PDXK: variants seen among roughly 807,000 people sequenced by gnomAD.
The protein encoded by PDXK is epididymis secretory sperm binding protein Li 1a.
PDXK carries 15 observed loss-of-function variants against 43.2 expected under a neutral mutation model. The ratio of observed to expected loss-of-function variants is 0.35; its 90% CI spans 0.23 to 0.53. The LOEUF is 0.53. Ranked by LOEUF, PDXK falls within the 20% of genes least tolerant of loss-of-function variation. The probability of loss-of-function intolerance (pLI) is 0.92; values close to 1 mark genes in which losing one functional copy is unlikely to be tolerated. For synonymous variants in PDXK, 172 were observed against 165.4 expected (o/e 1.04, Z -0.31); for missense variants, 343 against 417.0 (o/e 0.82, Z 1.54).
chr21:43,755,686 T>C lies in PDXK; in HGVS notation c.760-12T>C. On this transcript the variant is annotated splice_polypyrimidine_tract_variant and intron_variant, in intron 9 of 10. Coordinates refer to ENST00000291565, the MANE Select transcript of PDXK (RefSeq NM_003681.5). Reference sequence around the variant, plus strand: ...GTGGGCCAGGGGCACAGCAAGTCTGTCCTCCCTGCAGGTGGCCTGTGAGAA... The same window carrying C: ...GTGGGCCAGGGGCACAGCAAGTCTGCCCTCCCTGCAGGTGGCCTGTGAGAA... The C allele has an allele frequency of 6.2e-7, 1 of 1,609,646 alleles. No individual in the cohort carries two copies. The highest frequency in any genetic ancestry group is 1.3e-5 in the African/African-American group (1 of 74,938).
chr21:43,756,954 A>G lies in PDXK; in HGVS notation c.*891A>G, dbSNP rs1203360494. On this transcript the variant is annotated 3_prime_UTR_variant, in exon 11 of 11. Transcript: ENST00000291565. ...TTTGCCACGTGCTGCCCGTGACAGC[A>G]CATTGAGCCACAGCATTTGTAGACA... 6.6e-6 allele frequency: 1 copy of G among 152,498 alleles called. No homozygotes were observed. The highest frequency in any genetic ancestry group is 1.5e-5 in the Non-Finnish European group (1 of 68,130). The allele number at this position is 152,498 out of a possible 1,614,324, so 9.4% of individuals were successfully genotyped here. A position where few individuals can be genotyped will look rare whatever the true frequency, so the allele number is the denominator to read the frequency against.
rs1303142298 is a variant in PDXK at position 43,754,132 on chromosome 21, G to T, written c.759+413G>T. ...CATTTCCCACAGTGTGACCACGGCAGTGACCTGAGGGACGGAAAGGCCGGA... is the reference window on the plus strand; with the variant it reads ...CATTTCCCACAGTGTGACCACGGCATTGACCTGAGGGACGGAAAGGCCGGA... On this transcript the variant is annotated intron_variant, in intron 9 of 10. Coordinates refer to ENST00000291565, the MANE Select transcript of PDXK (RefSeq NM_003681.5). This position sits in a 1 kb window ranked among gnomAD's most constrained non-coding sequence, Gnocchi z 5.5. Among the ~76,000 whole-genome samples, 1 of 152,236 alleles carries T rather than the reference G, an allele frequency of 6.6e-6. No homozygotes were observed. The highest frequency in any genetic ancestry group is 3.2e-3 in the Middle Eastern group (1 of 316).
In PDXK at chr21:43,755,989, C is replaced by T. The variant is rs369964889; in HGVS notation, c.865C>T (p.Leu289=). The T allele has an allele frequency of 1.2e-6, 2 of 1,612,962 alleles. No individual in the cohort carries two copies. Among genetic ancestry groups the T allele is most frequent in the African/African-American group, 2.7e-5 (2 of 74,900 alleles). Residue 289 remains leucine, a synonymous_variant, in exon 11 of 11, where the codon CTG becomes TTG. Coordinates refer to ENST00000291565, the MANE Select transcript of PDXK (RefSeq NM_003681.5). ...GEGVRPSPMQ[L]ELRMVQSKRD... is the part of the protein sequence containing the mutation. ...AGGAGTGAGGCCCAGCCCCATGCAGCTGGAGCTGCGGATGGTGCAGAGCAA... is the reference window on the plus strand; with the variant it reads ...AGGAGTGAGGCCCAGCCCCATGCAGTTGGAGCTGCGGATGGTGCAGAGCAA...
chr21:43,729,076 C>T (rs1226399641), intron 1 of PDXK: 6 of 953,550 alleles, frequency 6.3e-6, no homozygotes. Context: ...CCCGCACCCG[C>T]CCGCCCGCAA....
rs964540671 is a variant in PDXK, at chr21:43,745,854, G to T, written c.332-225G>T. On this transcript the variant is annotated intron_variant, in intron 4 of 10. Coordinates refer to ENST00000291565, the MANE Select transcript of PDXK (RefSeq NM_003681.5). ...TGTACAAATCATTTAAAAGCTAGCTGGGTGTGCTGCTGCATGCCTGTGGTC... is the reference window on the plus strand; with the variant it reads ...TGTACAAATCATTTAAAAGCTAGCTTGGTGTGCTGCTGCATGCCTGTGGTC... 4 of 575,428 alleles carry T rather than the reference G, an allele frequency of 7.0e-6. No homozygotes were observed. In the African/African-American group the frequency reaches 7.5e-5, roughly 11 times the overall value. The allele number at this position is 575,428 out of a possible 1,614,324, so 35.6% of individuals were successfully genotyped here. A position where few individuals can be genotyped will look rare whatever the true frequency, so the allele number is the denominator to read the frequency against.
chr21:43,755,765 G>T lies in PDXK; in HGVS notation c.826+1G>T. On this transcript the variant is annotated splice_donor_variant, in intron 10 of 10. Coordinates refer to ENST00000291565, the MANE Select transcript of PDXK (RefSeq NM_003681.5). LOFTEE classifies it high-confidence loss of function. ...CAGAGGACCATCCAGTGTGCAAAAGGTACGGCGGCCGGGCTGCATGGGCTG... is the reference window on the plus strand; with the variant it reads ...CAGAGGACCATCCAGTGTGCAAAAGTTACGGCGGCCGGGCTGCATGGGCTG... 6.2e-7 allele frequency: 1 copy of T among 1,613,746 alleles called. No individual in the cohort carries two copies. Among genetic ancestry groups the T allele is most frequent in the Non-Finnish European group, 8.5e-7 (1 of 1,179,718 alleles).
At chr21:43,726,411 G>A (rs1196729065) in intron 1 of PDXK, among the ~76,000 whole-genome samples, 1 of 151,796 alleles carries the variant, frequency 6.6e-6, no homozygotes, top group African/African-American at 2.4e-5. Flanking sequence ...AGGTAGCTGG[G>A]ACTACAGGCG....
rs777337569 is a variant in PDXK, at chr21:43,754,538, T to A, written c.759+819T>A. On this transcript the variant is annotated intron_variant, in intron 9 of 10. Coordinates refer to ENST00000291565, the MANE Select transcript of PDXK (RefSeq NM_003681.5). The surrounding 1 kb of genome is among the most constrained non-coding windows in gnomAD (Gnocchi z 5.5). ...TGGAGTGTGTCTTCTTACAACACCG[T>A]CCAGAGCCGTGCTGTGCTCTGAGGT... is the stretch of plus-strand genomic sequence containing the variant. Among the ~76,000 whole-genome samples, 8 of 152,112 alleles carry A rather than the reference T, an allele frequency of 5.3e-5. No homozygotes were observed. The highest frequency in any genetic ancestry group is 8.8e-5 in the Non-Finnish European group (6 of 68,008).
At chr21:43,739,044 C>T (rs2083450523) in intron 2 of PDXK, among the ~76,000 whole-genome samples, 1 of 152,036 alleles carries the variant, frequency 6.6e-6, no homozygotes, top group African/African-American at 2.4e-5. Context: ...TGCCATTCTC[C>T]TGCCTTAGCC....
intron 2 of PDXK, among the ~76,000 whole-genome samples, chr21:43,740,160 G>T (rs1453721093): frequency 6.6e-6 from 1 of 152,074 alleles, no homozygotes; most frequent in Non-Finnish European, 1.5e-5. Context: ...TGCCTGGAGC[G>T]TGGCTCCTGA....
At position 43,735,414 on chromosome 21, in the gene PDXK, G is replaced by A. The variant is rs1315364235; in HGVS notation, c.142+1291G>A. ...ATTCCAGGTTGCGGGAGGGCCCCGG[G>A]CTTTGGCAATGCCTTCCAGGCTTGG... On this transcript the variant is annotated intron_variant, in intron 2 of 10. Transcript: ENST00000291565. The surrounding 1 kb of genome is among the most constrained non-coding windows in gnomAD (Gnocchi z 5.3). Among the ~76,000 whole-genome samples, 2 of 152,242 alleles carry A rather than the reference G, an allele frequency of 1.3e-5. No homozygotes were observed. The highest frequency in any genetic ancestry group is 2.4e-5 in the African/African-American group (1 of 41,462).
At chr21:43,752,393 G>T in intron 7 of PDXK, 125 bp from the exon 8 acceptor site, 1 of 659,370 alleles carries the variant, frequency 1.5e-6, no homozygotes, top group Admixed American at 2.2e-5. Context: ...TGGGGGAGTG[G>T]GGTGTGACCG....
At position 43,719,228 on chromosome 21, in the gene PDXK, G is replaced by C; in HGVS notation, c.-67G>C. The C allele has an allele frequency of 1.1e-6, 1 of 936,102 alleles. No individual in the cohort carries two copies. The highest frequency in any genetic ancestry group is 1.4e-6 in the Non-Finnish European group (1 of 707,076). The allele number at this position is 936,102 out of a possible 1,614,324, so 58.0% of individuals were successfully genotyped here. A position where few individuals can be genotyped will look rare whatever the true frequency, so the allele number is the denominator to read the frequency against. On this transcript the variant is annotated 5_prime_UTR_variant, in exon 1 of 11. Coordinates refer to ENST00000291565, the MANE Select transcript of PDXK (RefSeq NM_003681.5). Reference sequence around the variant, plus strand: ...CCGGAGCCCGAGCCCGAGCCGAGCCGGAGCCCGAGCGAGCGGCGGAGACCG... The same window carrying C: ...CCGGAGCCCGAGCCCGAGCCGAGCCCGAGCCCGAGCGAGCGGCGGAGACCG...
intron 1 of PDXK, chr21:43,728,700 A>T: frequency 1.0e-6 from 1 of 985,098 alleles, no homozygotes; most frequent in Non-Finnish European, 1.2e-6. Context: ...GCACGTGGGC[A>T]GGAGGAGGGC....
intron 7 of PDXK, among the ~76,000 whole-genome samples, chr21:43,750,962 A>ATGTGTGTGTGTGTATG (rs2083738607): frequency 6.6e-6 from 1 of 150,624 alleles, no homozygotes; most frequent in South Asian, 2.1e-4. Context: ...ATGTGTGTGC[A>ATGTGTGTGTGTGTATG]TGTGTGTGTG....
At position 43,734,240 on chromosome 21, in the gene PDXK, G is replaced by T; in HGVS notation, c.142+117G>T. The T allele has an allele frequency of 1.0e-6, 1 of 958,916 alleles. No individual in the cohort carries two copies. The highest frequency in any genetic ancestry group is 2.5e-5 in the East Asian group (1 of 40,662). 59.4% of individuals were successfully genotyped at this position (958,916 alleles called of 1,614,324 possible). On this transcript the variant is annotated intron_variant, in intron 2 of 10. Transcript: ENST00000291565. The surrounding 1 kb of genome is among the most constrained non-coding windows in gnomAD (Gnocchi z 5.0). ...GGTGTGAGGGACGGGGCTTTCGTGT[G>T]GACGGGGACCTGGAGTCCTGGGCGT...
At chr21:43,755,557 C>A (rs957123419) in intron 9 of PDXK, 141 bp from the exon 10 acceptor site, 1 of 742,162 alleles carries the variant, frequency 1.3e-6, no homozygotes, top group Non-Finnish European at 2.4e-6. Context: ...GGGTTCAGCA[C>A]GTGCATTGGC....
At chr21:43,727,189 C>T (rs2083263478) in intron 1 of PDXK, among the ~76,000 whole-genome samples, 3 of 152,144 alleles carry the variant, frequency 2.0e-5, no homozygotes, top group African/African-American at 2.4e-5. Flanking sequence ...TTGGTGTCTG[C>T]GGGTGCACAC....
rs761239721 is a variant in PDXK, at chr21:43,750,552, A to G, written c.510+7A>G. On this transcript the variant is annotated splice_region_variant and intron_variant, in intron 7 of 10. Transcript: ENST00000291565. ...CCAGGAGGAAGCCTTGCGGGTAAGG[A>G]GGCCCTCTGGGGCCTGTGCGGGGCA... The G allele has an allele frequency of 4.3e-6, 7 of 1,612,028 alleles. No individual in the cohort carries two copies. The East Asian group carries it at 1.6e-4, about 36-fold the overall frequency.
Sources: gnomAD v4.1 joint callset for allele counts (sites outside exome capture counted in the v4.1 genomes callset) on GRCh38, gnomAD v4.1.1 for gene constraint, Gnocchi (gnomAD v3.1) non-coding constraint, MANE v1.5 for transcripts, NCBI Gene and HGNC (gene_info 2026-07-23, HGNC 2026-07-21) for gene names.